Variants in RGS20 observed in about 807,000 individuals in gnomAD.
The protein encoded by RGS20 is gz-selective GTPase-activating protein.
A neutral mutation model predicts 33.6 loss-of-function variants in RGS20; 30 were observed. The observed-to-expected ratio is 0.89, with a 90% confidence interval of 0.67 to 1.21. The LOEUF (loss-of-function observed/expected upper bound fraction) is 1.21. RGS20 is among the 50% of genes most tolerant of loss of function. RGS20 has a pLI of 0.00. For synonymous variants in RGS20, 208 were observed against 197.9 expected (o/e 1.05, Z -0.43); for missense variants, 472 against 502.4 (o/e 0.94, Z 0.58).
At chr8:53,905,951 A>G (rs1168268838) in intron 2 of RGS20, among the ~76,000 whole-genome samples, 1 of 152,158 alleles carries the variant, frequency 6.6e-6, no homozygotes, top group Non-Finnish European at 1.5e-5. Flanking sequence ...GTCCCCAGCC[A>G]AATGGCTTTT....
chr8:53,907,710 G>C, intron 2 of RGS20, among the ~76,000 whole-genome samples: 1 of 151,850 alleles, frequency 6.6e-6, no homozygotes, highest in Non-Finnish European at 1.5e-5. Context: ...AGGCTAACAG[G>C]CTCCTGCATC....
chr8:53,924,415 T>C (rs1813737168), intron 2 of RGS20, among the ~76,000 whole-genome samples: 1 of 152,222 alleles, frequency 6.6e-6, no homozygotes. Flanking sequence ...CTTGAACTCC[T>C]GACCTCAAGT....
At chr8:53,948,231 A>G (rs1303544057) in intron 4 of RGS20, among the ~76,000 whole-genome samples, 1 of 138,032 alleles carries the variant, frequency 7.2e-6, no homozygotes, top group Non-Finnish European at 1.5e-5. Context: ...ATATATTTAT[A>G]TATGCTATAT....
Position 53,946,452 on chromosome 8 carries a change from T to C in RGS20, c.660-213T>C, listed in dbSNP as rs543590851. ...ACAATAATTTCTAACTCTTTCTCAA[T>C]AGTAGAAACCACAACGTTTATTTAT... On this transcript the variant is annotated intron_variant, in intron 3 of 5. Coordinates refer to ENST00000297313, the MANE Select transcript of RGS20 (RefSeq NM_170587.4). The C allele has an allele frequency of 7.7e-5, 45 of 584,788 alleles. 1 individual carries two copies. The highest frequency in any genetic ancestry group is 5.1e-4 in the Middle Eastern group (1 of 1,960). The allele number at this position is 584,788 out of a possible 1,614,324, so 36.2% of individuals were successfully genotyped here.
intron 2 of RGS20, among the ~76,000 whole-genome samples, chr8:53,935,707 T>C (rs1281873577): frequency 1.3e-5 from 2 of 151,292 alleles, no homozygotes; most frequent in African/African-American, 4.8e-5. Context: ...TTCCAAACAA[T>C]AGAAACAATA....
At chr8:53,902,516 G>C (rs1171760249) in intron 2 of RGS20, among the ~76,000 whole-genome samples, 1 of 152,238 alleles carries the variant, frequency 6.6e-6, no homozygotes, top group Non-Finnish European at 1.5e-5. Flanking sequence ...GAGAGTTCTG[G>C]TTGCTCTCTA....
intron 4 of RGS20, among the ~76,000 whole-genome samples, chr8:53,951,980 G>C (rs1443025418): frequency 1.3e-5 from 2 of 150,218 alleles, no homozygotes; most frequent in Non-Finnish European, 3.0e-5. Context: ...TCGCGCCACT[G>C]CACTCCAGCC....
chr8:53,879,053 G>C (rs1279031787), intron 1 of RGS20, among the ~76,000 whole-genome samples: 1 of 152,014 alleles, frequency 6.6e-6, no homozygotes, highest in Non-Finnish European at 1.5e-5. Context: ...GCTGGCCTAC[G>C]GACCACACTT....
chr8:53,896,716 G>T (rs953655119), intron 2 of RGS20, among the ~76,000 whole-genome samples: 4 of 152,158 alleles, frequency 2.6e-5, no homozygotes, highest in South Asian at 2.1e-4. Context: ...ATTCCTTTGG[G>T]TATGCACTAT....
At chr8:53,862,816 C>A (rs1811838290) in intron 1 of RGS20, among the ~76,000 whole-genome samples, 1 of 152,112 alleles carries the variant, frequency 6.6e-6, no homozygotes, top group South Asian at 2.1e-4. Flanking sequence ...AAAAGAAAAT[C>A]TCCTCCTTTT....
intron 1 of RGS20, among the ~76,000 whole-genome samples, chr8:53,863,080 CCA>C (rs1811844287): frequency 6.6e-6 from 1 of 152,122 alleles, no homozygotes; most frequent in African/African-American, 2.4e-5. Context: ...CCTCTGCCTC[CCA>C]GTTCAAGGGA....
At chr8:53,912,970 A>ATT (rs200034042) in intron 2 of RGS20, among the ~76,000 whole-genome samples, 65 of 145,780 alleles carry the variant, frequency 4.5e-4, no homozygotes, top group African/African-American at 1.2e-3. Context: ...ACTGCAATTG[A>ATT]TTTTTTTTTT....
intron 1 of RGS20, among the ~76,000 whole-genome samples, chr8:53,852,940 A>C (rs1811598350): frequency 4.6e-5 from 7 of 152,192 alleles, no homozygotes; most frequent in Admixed American, 4.6e-4. Context: ...AGGGGAAAAA[A>C]AAAATAAAAA....
At chr8:53,915,399 C>T (rs536724349) in intron 2 of RGS20, among the ~76,000 whole-genome samples, 2 of 151,280 alleles carry the variant, frequency 1.3e-5, no homozygotes, top group South Asian at 2.1e-4. Context: ...AGGGATCTCC[C>T]GGAGTTCAGA....
intron 1 of RGS20, among the ~76,000 whole-genome samples, chr8:53,869,136 T>A (rs756253921): frequency 6.6e-6 from 1 of 152,198 alleles, no homozygotes; most frequent in Non-Finnish European, 1.5e-5. Context: ...TCTTTTCAAT[T>A]TTCTGATATC....
intron 2 of RGS20, among the ~76,000 whole-genome samples, chr8:53,896,480 A>G (rs1056116306): frequency 6.6e-6 from 1 of 152,210 alleles, no homozygotes; most frequent in Non-Finnish European, 1.5e-5. Flanking sequence ...CTGGTCCCTC[A>G]CTGAAAACAT....
rs532644357 is a variant in RGS20 at position 53,879,708 on chromosome 8, T to C, written c.510+106T>C. ...TGACCCGCTCCGCTGGGGCTAGCAG[T>C]AGGGAGGGTGGCAAGGTCGGGAAGG... On this transcript the variant is annotated intron_variant, in intron 2 of 5. Transcript: ENST00000297313. 5.8e-5 allele frequency: 58 copies of C among 1,006,212 alleles called. 1 individual carries two copies. In the South Asian group the frequency reaches 1.1e-3, roughly 18 times the overall value. The allele number at this position is 1,006,212 out of a possible 1,614,324, so 62.3% of individuals were successfully genotyped here.
At chr8:53,860,863 A>C (rs531363896) in intron 1 of RGS20, among the ~76,000 whole-genome samples, 94 of 152,182 alleles carry the variant, frequency 6.2e-4, no homozygotes, top group African/African-American at 2.2e-3. Flanking sequence ...GCTACTCAGG[A>C]GGCTGAGGCA....
rs751715770 is a variant in RGS20, at chr8:53,946,769, T to C, written c.743+21T>C. 3.1e-6 allele frequency: 5 copies of C among 1,597,766 alleles called. No homozygotes were observed. The East Asian group carries it at 6.7e-5, about 21-fold the overall frequency. On this transcript the variant is annotated intron_variant, in intron 4 of 5. Transcript: ENST00000297313. The stretch of plus-strand genomic sequence containing the variant: ...GAAAGGTGAAATCACACGTTTTTTT[T>C]ACCTCACTAAACTAACAGAAATACT...
Sources: gnomAD v4.1 joint callset for allele counts (sites outside exome capture counted in the v4.1 genomes callset) on GRCh38, gnomAD v4.1.1 for gene constraint, MANE v1.5 for transcripts, NCBI Gene and HGNC (gene_info 2026-07-23, HGNC 2026-07-21) for gene names.